COL8A1: variants seen among roughly 807,000 people sequenced by gnomAD.
The protein encoded by COL8A1 is collagen type VIII alpha 1 chain.
In COL8A1, 21 loss-of-function variants were observed where a neutral mutation model predicts 42.7. The ratio of observed to expected loss-of-function variants is 0.49; its 90% CI spans 0.35 to 0.71. The LOEUF is 0.71. Ranked by LOEUF, COL8A1 falls within the 30% of genes least tolerant of loss-of-function variation. The pLI, the probability that COL8A1 is intolerant of heterozygous loss-of-function variation, is 0.01. For synonymous variants in COL8A1, 367 were observed against 369.1 expected, an observed-to-expected ratio of 0.99 and a Z score of 0.06; for missense variants, 788 against 962.4, an observed-to-expected ratio of 0.82 and a Z score of 2.40.
chr3:99,761,923 A>C (rs1002163928), intron 2 of COL8A1, among the ~76,000 whole-genome samples: 9 of 152,260 alleles, frequency 5.9e-5, no homozygotes, highest in Admixed American at 2.0e-4. Flanking sequence ...TGGAATTTTT[A>C]TTAAGAATTC....
intron 1 of COL8A1, among the ~76,000 whole-genome samples, chr3:99,645,373 A>G (rs1158471323): frequency 6.6e-6 from 1 of 152,042 alleles, no homozygotes; most frequent in African/African-American, 2.4e-5. Context: ...TTAGGTAGCC[A>G]AGATTGTTGA....
Position 99,700,077 on chromosome 3 carries a change from C to T in COL8A1, c.-128-44820C>T, listed in dbSNP as rs563396210. Among the ~76,000 whole-genome samples, 98 of 152,152 alleles carry T rather than the reference C, an allele frequency of 6.4e-4. 1 individual carries two copies. The highest frequency in any genetic ancestry group is 1.9e-3 in the African/African-American group (79 of 41,500). ...CAATGCAGTCGGTCTGGACTGAGAC[C>T]GGAGACTCTGCATTTCTAACCCCCA... is the stretch of plus-strand genomic sequence containing the variant. On this transcript the variant is annotated intron_variant, in intron 1 of 3. Coordinates refer to ENST00000652472, the MANE Select transcript of COL8A1 (RefSeq NM_020351.4).
Position 99,750,049 on chromosome 3 carries a change from C to CTTTTTTTT in COL8A1, c.-4+5046_-4+5053dup, listed in dbSNP as rs1176042144. Among the ~76,000 whole-genome samples, 24 of 65,968 alleles carry CTTTTTTTT rather than the reference C, an allele frequency of 3.6e-4. 1 individual carries two copies. The highest frequency in any genetic ancestry group is 5.3e-4 in the East Asian group (1 of 1,886). 43.3% of individuals were successfully genotyped at this position (65,968 alleles called of 152,430 possible). A position where few individuals can be genotyped will look rare whatever the true frequency, so the allele number is the denominator to read the frequency against. Reference sequence around the variant, plus strand: ...GCCAACTTCTTTTTCTTTTTTTCTTCTTTTTTTTTTTTTTTTTTTTTTTTT... The same window carrying CTTTTTTTT: ...GCCAACTTCTTTTTCTTTTTTTCTTCTTTTTTTTTTTTTTTTTTTTTTTTTTTTTTTTT... On this transcript the variant is annotated intron_variant, in intron 2 of 3. Coordinates refer to ENST00000652472, the MANE Select transcript of COL8A1 (RefSeq NM_020351.4).
At chr3:99,793,713 T>TA (rs932329981) in intron 3 of COL8A1, among the ~76,000 whole-genome samples, 16 of 151,658 alleles carry the variant, frequency 1.1e-4, no homozygotes, top group Admixed American at 2.6e-4. Flanking sequence ...CTCAAATACA[T>TA]AAAAAAAAAT....
At chr3:99,767,766 A>G (rs185274886) in intron 2 of COL8A1, among the ~76,000 whole-genome samples, 153 of 152,366 alleles carry the variant, frequency 1.0e-3, no homozygotes, top group Non-Finnish European at 5.6e-4. Flanking sequence ...AGCAAGGTAT[A>G]GAGGTGTAAG....
At chr3:99,692,650 A>C (rs1939254157) in intron 1 of COL8A1, among the ~76,000 whole-genome samples, 1 of 152,226 alleles carries the variant, frequency 6.6e-6, no homozygotes, top group South Asian at 2.1e-4. Context: ...TTTGCCTGGG[A>C]AAAAGTCCTA....
chr3:99,658,530 T>C (rs558348363), intron 1 of COL8A1, among the ~76,000 whole-genome samples: 1 of 152,300 alleles, frequency 6.6e-6, no homozygotes, highest in South Asian at 2.1e-4. Flanking sequence ...ATGGCTAGCC[T>C]GTAAACCAAG....
At chr3:99,710,502 A>G (rs530296103) in intron 1 of COL8A1, among the ~76,000 whole-genome samples, 2 of 152,218 alleles carry the variant, frequency 1.3e-5, no homozygotes, top group South Asian at 4.1e-4. Flanking sequence ...GTGGCCCATA[A>G]GCAAAATTCC....
At chr3:99,742,741 C>T (rs993272467) in intron 1 of COL8A1, among the ~76,000 whole-genome samples, 2 of 152,112 alleles carry the variant, frequency 1.3e-5, no homozygotes, top group African/African-American at 4.8e-5. Context: ...TCATCAGCTA[C>T]CAAGGTGTGG....
chr3:99,697,238 G>A lies in COL8A1; in HGVS notation c.-128-47659G>A, dbSNP rs1301435675. On this transcript the variant is annotated intron_variant, in intron 1 of 3. Coordinates refer to ENST00000652472, the MANE Select transcript of COL8A1 (RefSeq NM_020351.4). ...CCTGACCTCGTGATCCGCCCGCCTC[G>A]GCCTCCCAAAGTGCTGGGATTACAG... is the stretch of plus-strand genomic sequence containing the variant. 4.0e-5 allele frequency among the ~76,000 whole-genome samples: 6 copies of A among 151,864 alleles called. No homozygotes were observed. In the South Asian group the frequency reaches 6.2e-4, roughly 16 times the overall value.
intron 2 of COL8A1, among the ~76,000 whole-genome samples, chr3:99,750,701 A>C (rs111453694): frequency 3.3e-5 from 5 of 152,308 alleles, no homozygotes; most frequent in African/African-American, 1.2e-4. Context: ...TAGGCTATTC[A>C]ACTTCTCTAG....
At position 99,795,492 on chromosome 3, in the gene COL8A1, G is replaced by A; in HGVS notation, c.1591G>A (p.Gly531Ser). 1 of 1,573,262 alleles carries A rather than the reference G, an allele frequency of 6.4e-7. No individual in the cohort carries two copies. Among genetic ancestry groups the A allele is most frequent in the Non-Finnish European group, 8.6e-7 (1 of 1,158,994 alleles). ...CCTCCCAGGGCCCCCTGGGTTCCCT[G>A]GTATAGGGAAACCCGGAGTGGCAGG... is the stretch of plus-strand genomic sequence containing the variant. ...PGLPGPPGFP[G>S]IGKPGVAGLH... The change falls in exon 4 of 4, where the codon GGT becomes AGT. Residue 531 changes from glycine (G) to serine (S), a missense_variant. By Grantham distance (56) the Gly-to-Ser change is moderately conservative (BLOSUM62 0). Coordinates refer to ENST00000652472, the MANE Select transcript of COL8A1 (RefSeq NM_020351.4).
At chr3:99,683,444 T>C (rs768626219) in intron 1 of COL8A1, among the ~76,000 whole-genome samples, 2 of 152,244 alleles carry the variant, frequency 1.3e-5, no homozygotes, top group Non-Finnish European at 1.5e-5. Context: ...ACGTATTTCA[T>C]TGAAAATAAG....
rs751081209 is a variant in COL8A1 at position 99,794,704 on chromosome 3, T to C, written c.803T>C (p.Leu268Pro). Residue 268 changes from leucine (L) to proline (P), a missense_variant, in exon 4 of 4, where the codon CTG becomes CCG. Leu to Pro is a moderately conservative substitution (Grantham distance 98, BLOSUM62 -3). Around this residue, in one of 4 missense-constraint regions of COL8A1, gnomAD observed 421 missense variants for 553.1 expected, o/e 0.76. Coordinates refer to ENST00000652472, the MANE Select transcript of COL8A1 (RefSeq NM_020351.4). The surrounding 1 kb of genome is among the most constrained non-coding windows in gnomAD (Gnocchi z 4.3). ...GMHGPPGPVG[L>P]PGVGKPGVTG... ...CACGGCCCTCCCGGCCCTGTTGGAC[T>C]GCCAGGAGTGGGCAAACCAGGAGTG... The C allele has an allele frequency of 2.4e-5, 38 of 1,612,140 alleles. No individual in the cohort carries two copies. Among genetic ancestry groups the C allele is most frequent in the Non-Finnish European group, 2.8e-5 (33 of 1,179,318 alleles).
chr3:99,639,814 G>A (rs969574150), intron 1 of COL8A1, among the ~76,000 whole-genome samples: 2 of 152,208 alleles, frequency 1.3e-5, no homozygotes, highest in African/African-American at 4.8e-5. Context: ...ACCACTTAGA[G>A]AAGGCAAACC....
chr3:99,639,005 A>G (rs148985202), intron 1 of COL8A1, among the ~76,000 whole-genome samples: 1,860 of 152,330 alleles, frequency 0.012, 44 homozygotes, highest in African/African-American at 0.042. Context: ...AGTGGGGGCA[A>G]GGAAAACGTT....
At chr3:99,699,470 A>G (rs1939470524) in intron 1 of COL8A1, among the ~76,000 whole-genome samples, 1 of 152,208 alleles carries the variant, frequency 6.6e-6, no homozygotes, top group Admixed American at 6.5e-5. Flanking sequence ...TGTCCTCTGC[A>G]GAACCTAGCA....
chr3:99,689,846 G>A lies in COL8A1; in HGVS notation c.-129+51182G>A, dbSNP rs187606829. 2.5e-3 allele frequency among the ~76,000 whole-genome samples: 378 copies of A among 152,238 alleles called. 6 individuals are homozygous for A. Among genetic ancestry groups the A allele is most frequent in the African/African-American group, 8.6e-3 (359 of 41,542 alleles). On this transcript the variant is annotated intron_variant, in intron 1 of 3. Coordinates refer to ENST00000652472, the MANE Select transcript of COL8A1 (RefSeq NM_020351.4). ...CCATCTATTCAACTTCCTCACAGAC[G>A]AGAGAACAGCAAAGGACAGTGAACC...
In COL8A1 at chr3:99,685,778, C is replaced by T. The variant is rs1230117128; in HGVS notation, c.-129+47114C>T. Among the ~76,000 whole-genome samples the T allele has an allele frequency of 2.0e-5, 3 of 151,982 alleles. No individual in the cohort carries two copies. The East Asian group carries it at 5.8e-4, about 29-fold the overall frequency. ...AATATGGTAATAAATAGAGTAAGTT[C>T]TTAATAAGAGTGCTAGTTTATTTAC... is the stretch of plus-strand genomic sequence containing the variant. On this transcript the variant is annotated intron_variant, in intron 1 of 3. Transcript: ENST00000652472.
Sources: allele counts gnomAD v4.1 joint callset (sites outside exome capture counted in the v4.1 genomes callset), GRCh38; gene constraint gnomAD v4.1.1; regional missense constraint gnomAD v4.1.1; non-coding constraint Gnocchi (gnomAD v3.1); transcripts MANE v1.5; gene names NCBI Gene and HGNC (gene_info 2026-07-23, HGNC 2026-07-21).